NTRK3: variants seen among roughly 807,000 people sequenced by gnomAD.
NTRK3 encodes the protein neurotrophic receptor tyrosine kinase 3, also known as NT-3 growth factor receptor.
Under a neutral mutation model 91.7 loss-of-function variants are expected in NTRK3, and 24 were observed. The ratio of observed to expected loss-of-function variants is 0.26; its 90% CI spans 0.19 to 0.37. NTRK3 has a LOEUF of 0.37. Ranked by LOEUF, NTRK3 falls within the 10% of genes least tolerant of loss-of-function variation. NTRK3 has a pLI of 1.00. For missense variants in NTRK3, 880 were observed against 1,068.9 expected (o/e 0.82, Z 2.46); for synonymous variants, 483 against 404.0 (o/e 1.20, Z -2.34).
At chr15:87,872,067 A>AT (rs566789702) in exon 19 of NTRK3, 256 of 218,990 alleles carry the variant, frequency 1.2e-3, no homozygotes, top group Non-Finnish European at 1.6e-3. Context: ...TAAATGTGCC[A>AT]TTTTTTTTTC....
At chr15:87,874,999 T>A (rs1298416353) in exon 19 of NTRK3, 1 of 231,864 alleles carries the variant, frequency 4.3e-6, no homozygotes, top group Non-Finnish European at 8.5e-6. Flanking sequence ...CAACCATGGC[T>A]ACAATCTGAG....
At chr15:88,127,206 G>T in exon 12 of NTRK3, 1 of 1,614,094 alleles carries the variant, frequency 6.2e-7, no homozygotes, top group Non-Finnish European at 8.5e-7. Flanking sequence ...GTGATAGGAG[G>T]TGTGGGACTC....
intron 10 of NTRK3, among the ~76,000 whole-genome samples, chr15:88,134,246 A>T (rs2041660838): frequency 6.6e-6 from 1 of 152,162 alleles, no homozygotes; most frequent in Non-Finnish European, 1.5e-5. Context: ...AAAACTTATC[A>T]ATTGCGGAAC....
chr15:87,881,973 G>A (rs538993280), intron 17 of NTRK3, among the ~76,000 whole-genome samples: 122 of 152,260 alleles, frequency 8.0e-4, no homozygotes, highest in African/African-American at 2.7e-3. Flanking sequence ...TCCGCTCACT[G>A]CAACCTCCGC....
At chr15:88,034,562 A>G (rs1481087348) in intron 13 of NTRK3, among the ~76,000 whole-genome samples, 1 of 152,230 alleles carries the variant, frequency 6.6e-6, no homozygotes, top group African/African-American at 2.4e-5. Context: ...CACAGGCCCC[A>G]GACAAAGTGC....
rs2051353970 is a variant in NTRK3, at chr15:88,233,110, T to G, written c.248+22796A>C. ...AGAAGGGACCATTAAACTCACTGAA[T>G]AAGTTAATGGGGCAGAGAGAATCTA... On this transcript the variant is annotated intron_variant, in intron 3 of 18. Coordinates refer to ENST00000394480, the Ensembl canonical transcript of NTRK3. This position sits in a 1 kb window ranked among gnomAD's most constrained non-coding sequence, Gnocchi z 4.2. Among the ~76,000 whole-genome samples, 1 of 152,130 alleles carries G rather than the reference T, an allele frequency of 6.6e-6. No individual in the cohort carries two copies. The highest frequency in any genetic ancestry group is 1.5e-5 in the Non-Finnish European group (1 of 68,018).
At chr15:87,971,703 C>T (rs1215168724) in intron 14 of NTRK3, among the ~76,000 whole-genome samples, 1 of 152,206 alleles carries the variant, frequency 6.6e-6, no homozygotes, top group African/African-American at 2.4e-5. Context: ...GAGCTCCCGA[C>T]ACGCTCAAGA....
At chr15:88,037,826 T>A (rs1223456587) in intron 13 of NTRK3, among the ~76,000 whole-genome samples, 1 of 152,216 alleles carries the variant, frequency 6.6e-6, no homozygotes, top group Non-Finnish European at 1.5e-5. Flanking sequence ...GTAAAGGAGT[T>A]AATCTTATAA....
intron 13 of NTRK3, chr15:88,099,204 A>C (rs2279409): frequency 4.4e-6 from 1 of 229,238 alleles, no homozygotes; most frequent in South Asian, 1.8e-4. Flanking sequence ...GCTTATTAGT[A>C]GAAAGATGGC....
chr15:87,924,080 C>T (rs1015665096), intron 17 of NTRK3, among the ~76,000 whole-genome samples: 1 of 152,088 alleles, frequency 6.6e-6, no homozygotes, highest in Non-Finnish European at 1.5e-5. Context: ...ATTTATCATC[C>T]TAAGAGCTTT....
At chr15:87,886,721 T>TATATAC (rs2065574471) in intron 17 of NTRK3, among the ~76,000 whole-genome samples, 1 of 117,250 alleles carries the variant, frequency 8.5e-6, no homozygotes, top group African/African-American at 3.0e-5. Flanking sequence ...CACACACACA[T>TATATAC]ACACACACAC....
intron 13 of NTRK3, among the ~76,000 whole-genome samples, chr15:88,039,292 C>T (rs576857374): frequency 1.3e-5 from 2 of 152,172 alleles, no homozygotes; most frequent in Non-Finnish European, 1.5e-5. Context: ...ATTCTCATAG[C>T]CTTTCTAGTA....
chr15:88,175,277 C>G (rs2045893279), intron 5 of NTRK3, among the ~76,000 whole-genome samples: 1 of 152,200 alleles, frequency 6.6e-6, no homozygotes, highest in African/African-American at 2.4e-5. Context: ...CCATCTGGAA[C>G]AGTAACATCC....
intron 13 of NTRK3, among the ~76,000 whole-genome samples, chr15:88,115,146 C>T (rs1369077272): frequency 6.6e-6 from 1 of 152,184 alleles, no homozygotes; most frequent in Non-Finnish European, 1.5e-5. Flanking sequence ...CTACCCCATT[C>T]TACACACTGG....
intron 14 of NTRK3, among the ~76,000 whole-genome samples, chr15:88,005,538 C>G (rs1317744460): frequency 6.6e-6 from 1 of 152,204 alleles, no homozygotes; most frequent in East Asian, 1.9e-4. Context: ...GGCTCTCCCA[C>G]TGCACTCTGT....
chr15:88,026,877 C>T (rs2078085171), intron 14 of NTRK3, among the ~76,000 whole-genome samples: 1 of 152,148 alleles, frequency 6.6e-6, no homozygotes, highest in African/African-American at 2.4e-5. Context: ...GTCATGGCCC[C>T]TCAAGAACTT....
At chr15:87,926,303 G>T (rs922599506) in intron 17 of NTRK3, among the ~76,000 whole-genome samples, 9 of 152,220 alleles carry the variant, frequency 5.9e-5, no homozygotes, top group Non-Finnish European at 1.2e-4. Context: ...CTGTGAGTAA[G>T]TGAACATGAA....
intron 14 of NTRK3, among the ~76,000 whole-genome samples, chr15:87,963,248 G>C (rs745920687): frequency 2.6e-5 from 4 of 152,156 alleles, no homozygotes; most frequent in Non-Finnish European, 5.9e-5. Context: ...CATCTCCCTT[G>C]TTCAGCTTAA....
chr15:87,913,805 T>G (rs1596224259), intron 17 of NTRK3, among the ~76,000 whole-genome samples: 1 of 152,360 alleles, frequency 6.6e-6, no homozygotes, highest in African/African-American at 2.4e-5. Context: ...AACATGGATG[T>G]ATATCCAAGG....
Sources: allele counts gnomAD v4.1 joint callset (sites outside exome capture counted in the v4.1 genomes callset), GRCh38; gene constraint gnomAD v4.1.1; non-coding constraint Gnocchi (gnomAD v3.1); transcripts MANE v1.5; gene names NCBI Gene and HGNC (gene_info 2026-07-23, HGNC 2026-07-21).